Variants in CDK14 observed in about 807,000 individuals in gnomAD.
CDK14 encodes the protein cyclin dependent kinase 14.
Under a neutral mutation model 60.7 loss-of-function variants are expected in CDK14, and 34 were observed. That is an observed-to-expected ratio of 0.56 (90% CI 0.43 to 0.75). The LOEUF is 0.75. CDK14 is among the 30% of genes least tolerant of loss of function. The probability of loss-of-function intolerance (pLI) is 0.00; values close to 1 mark genes in which losing one functional copy is unlikely to be tolerated. For missense variants in CDK14, 482 were observed against 564.1 expected (o/e 0.85, Z 1.47); for synonymous variants, 197 against 203.7 (o/e 0.97, Z 0.28).
chr7:90,631,319 C>T (rs1286656144), intron 2 of CDK14, among the ~76,000 whole-genome samples: 1 of 152,132 alleles, frequency 6.6e-6, no homozygotes, highest in African/African-American at 2.4e-5. Context: ...GGCAGACTGT[C>T]CACCTGAGAC....
chr7:90,963,809 G>A (rs936249112), intron 9 of CDK14, among the ~76,000 whole-genome samples: 7 of 143,474 alleles, frequency 4.9e-5, no homozygotes, highest in South Asian at 4.5e-4. Context: ...TTCGTCTCCC[G>A]GGTTCAAGAG....
intron 2 of CDK14, among the ~76,000 whole-genome samples, chr7:90,687,324 G>T (rs1801458237): frequency 6.6e-6 from 1 of 152,076 alleles, no homozygotes; most frequent in Non-Finnish European, 1.5e-5. Flanking sequence ...AGAGTTAAGG[G>T]TCTATTTAGG....
At chr7:91,141,306 T>C (rs1419206340) in intron 14 of CDK14, among the ~76,000 whole-genome samples, 1 of 152,210 alleles carries the variant, frequency 6.6e-6, no homozygotes, top group Non-Finnish European at 1.5e-5. Flanking sequence ...TTGTCTCCAC[T>C]TTCTCAGATG....
At chr7:91,176,521 C>T (rs972810080) in intron 14 of CDK14, among the ~76,000 whole-genome samples, 6 of 152,030 alleles carry the variant, frequency 3.9e-5, no homozygotes, top group East Asian at 1.9e-4. Flanking sequence ...AATCCAGGAG[C>T]TGGTTTTTTG....
intron 2 of CDK14, among the ~76,000 whole-genome samples, chr7:90,710,869 G>A (rs189096417): frequency 2.0e-4 from 30 of 152,112 alleles, no homozygotes; most frequent in African/African-American, 7.0e-4. Flanking sequence ...TTGATGTGGC[G>A]GGGGTTTGAA....
chr7:90,671,331 C>A (rs368123371), intron 2 of CDK14, among the ~76,000 whole-genome samples: 89 of 151,856 alleles, frequency 5.9e-4, no homozygotes, highest in African/African-American at 2.0e-3. Flanking sequence ...ACTGAGCCAC[C>A]ATCTCCCTTC....
At chr7:91,022,909 C>A (rs544285781) in intron 10 of CDK14, among the ~76,000 whole-genome samples, 206 of 152,280 alleles carry the variant, frequency 1.4e-3, no homozygotes, top group South Asian at 9.7e-3. Flanking sequence ...TAACTTATTC[C>A]CTCAGCCTCT....
intron 5 of CDK14, among the ~76,000 whole-genome samples, chr7:90,813,605 T>G (rs1488245999): frequency 6.6e-6 from 1 of 152,110 alleles, no homozygotes; most frequent in Non-Finnish European, 1.5e-5. Flanking sequence ...GTAAATTAGC[T>G]GGGCACGGTG....
At chr7:90,753,866 C>T (rs1225652884) in intron 4 of CDK14, among the ~76,000 whole-genome samples, 3 of 152,052 alleles carry the variant, frequency 2.0e-5, no homozygotes, top group Non-Finnish European at 4.4e-5. Flanking sequence ...ATCAAGAATG[C>T]AATTTCATTT....
At chr7:90,765,250 A>G (rs1008791150) in intron 4 of CDK14, among the ~76,000 whole-genome samples, 2 of 152,234 alleles carry the variant, frequency 1.3e-5, no homozygotes, top group Admixed American at 6.5e-5. Flanking sequence ...TATTAAAAAA[A>G]GTTATTTTTT....
chr7:90,786,572 T>C (rs1425756367), intron 4 of CDK14, among the ~76,000 whole-genome samples: 7 of 152,132 alleles, frequency 4.6e-5, no homozygotes, highest in Admixed American at 2.0e-4. Flanking sequence ...AAAATTTCCA[T>C]TTTGTAAATG....
At chr7:90,965,350 G>C (rs1794721256) in intron 9 of CDK14, among the ~76,000 whole-genome samples, 1 of 152,188 alleles carries the variant, frequency 6.6e-6, no homozygotes, top group Non-Finnish European at 1.5e-5. Flanking sequence ...AAACAAGTGA[G>C]AGGAGAGAGT....
At chr7:90,681,995 A>G (rs1285719508) in intron 2 of CDK14, among the ~76,000 whole-genome samples, 2 of 152,158 alleles carry the variant, frequency 1.3e-5, no homozygotes, top group Non-Finnish European at 2.9e-5. Context: ...TTTAAGTAAC[A>G]TTTTTGCTTT....
intron 8 of CDK14, among the ~76,000 whole-genome samples, chr7:90,930,226 G>A (rs1793546961): frequency 6.6e-6 from 1 of 151,700 alleles, no homozygotes; most frequent in African/African-American, 2.4e-5. Flanking sequence ...GAGTATTCTT[G>A]TAATTGTCAG....
At chr7:91,033,833 G>A (rs1191773820) in intron 10 of CDK14, among the ~76,000 whole-genome samples, 2 of 152,186 alleles carry the variant, frequency 1.3e-5, no homozygotes, top group East Asian at 3.9e-4. Flanking sequence ...GTCTGAAGCT[G>A]TGTCACAATA....
At chr7:90,766,110 A>G (rs940412161) in intron 4 of CDK14, among the ~76,000 whole-genome samples, 1 of 151,992 alleles carries the variant, frequency 6.6e-6, no homozygotes, top group African/African-American at 2.4e-5. Flanking sequence ...CAGGTACATC[A>G]TGGAACTCTC....
intron 12 of CDK14, among the ~76,000 whole-genome samples, chr7:91,098,771 A>G (rs1245286769): frequency 6.6e-6 from 1 of 152,158 alleles, no homozygotes; most frequent in Non-Finnish European, 1.5e-5. Flanking sequence ...AGATAAATTC[A>G]CCATGCCTTC....
intron 14 of CDK14, among the ~76,000 whole-genome samples, chr7:91,151,426 G>A (rs1468495505): frequency 1.3e-5 from 2 of 152,168 alleles, no homozygotes. Context: ...AATTTCACCT[G>A]TTAAAAGCCT....
At chr7:91,106,696 G>A (rs940178788) in intron 12 of CDK14, among the ~76,000 whole-genome samples, 1 of 152,150 alleles carries the variant, frequency 6.6e-6, no homozygotes, top group African/African-American at 2.4e-5. Flanking sequence ...GTTAAATAGA[G>A]TTAAATATTA....
Sources: gnomAD v4.1 joint callset for allele counts (sites outside exome capture counted in the v4.1 genomes callset) on GRCh38, gnomAD v4.1.1 for gene constraint, MANE v1.5 for transcripts, NCBI Gene and HGNC (gene_info 2026-07-23, HGNC 2026-07-21) for gene names.